Variants in GRIK2 observed in about 807,000 individuals in gnomAD.
The protein encoded by GRIK2 is glutamate ionotropic receptor kainate type subunit 2, also known as glutamate receptor ionotropic, kainate 2.
In GRIK2, 32 loss-of-function variants were observed where a neutral mutation model predicts 100.3. The observed-to-expected ratio is 0.32, with a 90% confidence interval of 0.24 to 0.43. The LOEUF (loss-of-function observed/expected upper bound fraction) is 0.43, where lower values mean the gene tolerates loss of function less well. Ranked by LOEUF, GRIK2 falls within the 20% of genes least tolerant of loss-of-function variation. The probability of loss-of-function intolerance (pLI) is 1.00; values close to 1 mark genes in which losing one functional copy is unlikely to be tolerated. For missense variants in GRIK2, 843 were observed against 1,114.9 expected, an observed-to-expected ratio of 0.76 and a Z score of 3.47; for synonymous variants, 417 against 389.4, an observed-to-expected ratio of 1.07 and a Z score of -0.83.
chr6:102,026,897 AT>A (rs1257980977), intron 14 of GRIK2, among the ~76,000 whole-genome samples: 2 of 151,284 alleles, frequency 1.3e-5, no homozygotes, highest in Non-Finnish European at 3.0e-5. Context: ...TATGAACCAC[AT>A]ATGGCTTCAG....
At position 101,922,193 on chromosome 6, in the gene GRIK2, T is replaced by C. The variant is rs149849948; in HGVS notation, c.1749-2408T>C. Among the ~76,000 whole-genome samples, 239 of 149,684 alleles carry C rather than the reference T, an allele frequency of 1.6e-3. 2 individuals carry two copies. Among genetic ancestry groups the C allele is most frequent in the Non-Finnish European group, 2.1e-4 (14 of 67,388 alleles). ...CATTCTTTCCTTCCTCTTCAGATTA[T>C]ATAGTCTGAGAAAATAGAAAATAAA... is the stretch of plus-strand genomic sequence containing the variant. On this transcript the variant is annotated intron_variant, in intron 12 of 16. Transcript: ENST00000369134.
intron 2 of GRIK2, among the ~76,000 whole-genome samples, chr6:101,433,451 G>A (rs1335648956): frequency 6.6e-6 from 1 of 152,120 alleles, no homozygotes; most frequent in Non-Finnish European, 1.5e-5. Context: ...TTCTTAGGAT[G>A]GTTATGAGTA....
At chr6:102,029,616 C>T (rs1435612930) in intron 14 of GRIK2, among the ~76,000 whole-genome samples, 1 of 150,966 alleles carries the variant, frequency 6.6e-6, no homozygotes, top group African/African-American at 2.4e-5. Context: ...TCTTATTTTC[C>T]CCTTACACAA....
chr6:101,726,778 A>G (rs1197390135), intron 7 of GRIK2, among the ~76,000 whole-genome samples: 1 of 152,018 alleles, frequency 6.6e-6, no homozygotes, highest in Non-Finnish European at 1.5e-5. Flanking sequence ...AAAAACTGAA[A>G]ACAACATGGA....
At chr6:101,630,305 G>T (rs1003443997) in intron 4 of GRIK2, among the ~76,000 whole-genome samples, 1 of 152,040 alleles carries the variant, frequency 6.6e-6, no homozygotes, top group Non-Finnish European at 1.5e-5. Flanking sequence ...TTTCTACAAT[G>T]GCTGAACTAA....
At chr6:101,602,542 AGAAT>A (rs1455708854) in intron 2 of GRIK2, among the ~76,000 whole-genome samples, 3 of 151,242 alleles carry the variant, frequency 2.0e-5, no homozygotes, top group African/African-American at 4.8e-5. Flanking sequence ...TCAGAGGGAG[AGAAT>A]GAATGATTAG....
chr6:101,999,670 CTATA>C (rs1470851988), intron 14 of GRIK2, among the ~76,000 whole-genome samples: 1 of 151,952 alleles, frequency 6.6e-6, no homozygotes, highest in African/African-American at 2.4e-5. Context: ...ATCCAAATGA[CTATA>C]TAAGTTTTTT....
intron 15 of GRIK2, among the ~76,000 whole-genome samples, chr6:102,049,988 T>G (rs1482453429): frequency 1.3e-5 from 2 of 152,104 alleles, no homozygotes; most frequent in Non-Finnish European, 2.9e-5. Context: ...GAAAAGTTAT[T>G]TATCAATGAA....
chr6:101,804,296 T>G (rs556246230), intron 9 of GRIK2, among the ~76,000 whole-genome samples: 65 of 152,110 alleles, frequency 4.3e-4, no homozygotes, highest in Non-Finnish European at 7.2e-4. Context: ...CAAATAAAGC[T>G]AAAATGCTAG....
At chr6:102,037,481 T>A (rs1770331864) in intron 15 of GRIK2, among the ~76,000 whole-genome samples, 1 of 151,312 alleles carries the variant, frequency 6.6e-6, no homozygotes, top group African/African-American at 2.4e-5. Flanking sequence ...GACTTCCCAG[T>A]GCATAATGAT....
intron 7 of GRIK2, among the ~76,000 whole-genome samples, chr6:101,692,688 A>T (rs1772194861): frequency 6.6e-6 from 1 of 152,078 alleles, no homozygotes; most frequent in Non-Finnish European, 1.5e-5. Context: ...ACATATATTT[A>T]CCAAGAATTT....
At chr6:101,408,474 A>T (rs997297585) in intron 2 of GRIK2, among the ~76,000 whole-genome samples, 2 of 152,056 alleles carry the variant, frequency 1.3e-5, no homozygotes, top group African/African-American at 2.4e-5. Context: ...AAGTCCTAAG[A>T]TCTGCAGTTG....
At chr6:101,968,130 A>C (rs533779485) in intron 14 of GRIK2, among the ~76,000 whole-genome samples, 1 of 152,182 alleles carries the variant, frequency 6.6e-6, no homozygotes, top group South Asian at 2.1e-4. Context: ...TATAATTTTC[A>C]AAAGTTAAAA....
intron 14 of GRIK2, among the ~76,000 whole-genome samples, chr6:102,030,898 C>T (rs750984984): frequency 6.6e-6 from 1 of 150,966 alleles, no homozygotes; most frequent in African/African-American, 2.4e-5. Context: ...ATTACAGATC[C>T]ATTTGAATGT....
rs536410855 is a variant in GRIK2, at chr6:101,846,883, ATTAC to A, written c.1318-12401_1318-12398del. On this transcript the variant is annotated intron_variant, in intron 10 of 16. Coordinates refer to ENST00000369134, the MANE Select transcript of GRIK2 (RefSeq NM_021956.5). ...CTTTTTTCATCTGATTTTTTTTGCTATTACTTTTTTCTTGATTGGTCTAGCTAAA... is the reference window on the plus strand; with the variant it reads ...CTTTTTTCATCTGATTTTTTTTGCTATTTTTTCTTGATTGGTCTAGCTAAA... 1.5e-3 allele frequency among the ~76,000 whole-genome samples: 223 copies of A among 151,332 alleles called. 1 individual carries two copies. The highest frequency in any genetic ancestry group is 5.1e-3 in the African/African-American group (212 of 41,256).
chr6:101,634,776 C>T (rs1780925048), intron 4 of GRIK2, among the ~76,000 whole-genome samples: 1 of 151,514 alleles, frequency 6.6e-6, no homozygotes, highest in South Asian at 2.1e-4. Flanking sequence ...AGACTAATTT[C>T]TATGATACGA....
intron 14 of GRIK2, among the ~76,000 whole-genome samples, chr6:101,964,091 A>G (rs1792504152): frequency 6.6e-6 from 1 of 151,652 alleles, no homozygotes; most frequent in African/African-American, 2.4e-5. Context: ...TTTGCTGTAT[A>G]TCTTAGAACA....
At chr6:101,922,067 C>T (rs1284852982) in intron 12 of GRIK2, among the ~76,000 whole-genome samples, 2 of 150,180 alleles carry the variant, frequency 1.3e-5, no homozygotes, top group Non-Finnish European at 3.0e-5. Context: ...TCCTTCCTAC[C>T]TTTCTCCATT....
intron 2 of GRIK2, among the ~76,000 whole-genome samples, chr6:101,429,977 A>T (rs542188931): frequency 6.6e-6 from 1 of 152,200 alleles, no homozygotes; most frequent in East Asian, 1.9e-4. Context: ...GGACTTCTCT[A>T]ACCTTTGTAG....
Sources: gnomAD v4.1 joint callset for allele counts (sites outside exome capture counted in the v4.1 genomes callset) on GRCh38, gnomAD v4.1.1 for gene constraint, MANE v1.5 for transcripts, NCBI Gene and HGNC (gene_info 2026-07-23, HGNC 2026-07-21) for gene names.